The following USP10 variants were observed in gnomAD, a reference collection of about 807,000 sequenced individuals.
USP10 encodes the protein ubiquitin specific peptidase 10.
In USP10, 22 loss-of-function variants were observed where a neutral mutation model predicts 84.5. The observed-to-expected ratio is 0.26, with a 90% CI of 0.19 to 0.37. USP10 has a LOEUF of 0.37. USP10 is among the 10% of genes least tolerant of loss of function. USP10 has a pLI of 1.00. For synonymous variants in USP10, 454 were observed against 387.6 expected (o/e 1.17, Z -2.01); for missense variants, 1,019 against 998.9 (o/e 1.02, Z -0.27).
At chr16:84,764,389 G>C in intron 10 of USP10, 126 bp downstream of exon 10, 1 of 1,291,318 alleles carries the variant, frequency 7.7e-7, no homozygotes, top group Non-Finnish European at 1.1e-6. Flanking sequence ...TTGCTCCCCT[G>C]CCTGCTCTTC....
chr16:84,764,395 T>C, intron 10 of USP10, 132 bp downstream of exon 10: 1 of 1,243,564 alleles, frequency 8.0e-7, no homozygotes, highest in East Asian at 2.3e-5. Context: ...CCCTGCCTGC[T>C]CTTCTCTTGC....
chr16:84,710,954 T>TA (rs894862798), intron 1 of USP10, among the ~76,000 whole-genome samples: 1 of 152,232 alleles, frequency 6.6e-6, no homozygotes, highest in African/African-American at 2.4e-5. Flanking sequence ...GACAAAGTGT[T>TA]ACATCTCCAG....
intron 10 of USP10, among the ~76,000 whole-genome samples, chr16:84,765,733 A>G (rs1360976538): frequency 6.6e-6 from 1 of 152,218 alleles, no homozygotes; most frequent in African/African-American, 2.4e-5. Context: ...CAGGTGAGGT[A>G]GAAAGTGAAG....
chr16:84,768,293 G>T lies in USP10; in HGVS notation c.1933G>T (p.Asp645Tyr). 1 of 1,609,546 alleles carries T rather than the reference G, an allele frequency of 6.2e-7. No individual in the cohort carries two copies. Among genetic ancestry groups the T allele is most frequent in the Non-Finnish European group, 8.5e-7 (1 of 1,177,760 alleles). ...IQSDKIRTVQDALESLVARES... is the reference protein window; with the variant it reads ...IQSDKIRTVQYALESLVARES... ...GTCAGACAAGATACGCACAGTCCAGGATGCACTGGAGAGCTTGGTGGCAAG... is the reference window on the plus strand; with the variant it reads ...GTCAGACAAGATACGCACAGTCCAGTATGCACTGGAGAGCTTGGTGGCAAG... Residue 645 changes from aspartate to tyrosine, a missense_variant, in exon 11 of 14, where the codon GAT (aspartate) becomes TAT (tyrosine). By Grantham distance (160) the Asp-to-Tyr change is radical. Transcript: ENST00000219473.
intron 1 of USP10, among the ~76,000 whole-genome samples, chr16:84,727,673 G>A (rs1045820260): frequency 6.6e-6 from 1 of 152,194 alleles, no homozygotes; most frequent in Admixed American, 6.5e-5. Flanking sequence ...TACACATACA[G>A]ACACACAGAC....
At chr16:84,708,295 C>G (rs779408269) in intron 1 of USP10, among the ~76,000 whole-genome samples, 6 of 151,978 alleles carry the variant, frequency 3.9e-5, no homozygotes, top group Admixed American at 6.6e-5. Flanking sequence ...GCTAAAAATA[C>G]AAAAATTAGC....
At chr16:84,771,043 C>T (rs966890477) in intron 11 of USP10, among the ~76,000 whole-genome samples, 54 of 135,398 alleles carry the variant, frequency 4.0e-4, no homozygotes, top group African/African-American at 1.4e-3. Flanking sequence ...GATGACAGAG[C>T]GAGACTGTCT....
intron 1 of USP10, among the ~76,000 whole-genome samples, chr16:84,721,614 ACCT>A (rs1269887764): frequency 6.6e-6 from 1 of 151,616 alleles, no homozygotes; most frequent in African/African-American, 2.4e-5. Context: ...TGCAGCCTTG[ACCT>A]CCTGGGTTCA....
At chr16:84,704,782 C>T (rs1389277434) in intron 1 of USP10, 1 of 1,535,412 alleles carries the variant, frequency 6.5e-7, no homozygotes, top group Admixed American at 2.0e-5. Flanking sequence ...ACTTGAGAAC[C>T]CAGAAGCTCT....
At position 84,744,517 on chromosome 16, in the gene USP10, AT is replaced by A. The variant is rs1597351031; in HGVS notation, c.152-113del. The A allele has an allele frequency of 6.4e-6, 6 of 934,196 alleles. No homozygotes were observed. The East Asian group carries it at 1.6e-4, about 25-fold the overall frequency. 57.9% of individuals were successfully genotyped at this position (934,196 alleles called of 1,614,324 possible). On this transcript the variant is annotated intron_variant, in intron 3 of 13. Coordinates refer to ENST00000219473, the MANE Select transcript of USP10 (RefSeq NM_005153.3). Reference sequence around the variant, plus strand: ...TCAGCGTAAGTAAAGGACGTAATAGATTTGTTGATTAGGAAGAGAACTTAAG... The same window carrying A: ...TCAGCGTAAGTAAAGGACGTAATAGATTGTTGATTAGGAAGAGAACTTAAG...
chr16:84,747,616 G>A (rs1911393550), intron 4 of USP10, among the ~76,000 whole-genome samples: 1 of 123,142 alleles, frequency 8.1e-6, no homozygotes, highest in African/African-American at 3.1e-5. Context: ...AGGCTGTAGT[G>A]CAGGAGGCAC....
intron 1 of USP10, among the ~76,000 whole-genome samples, chr16:84,713,957 C>G (rs1167871073): frequency 6.6e-6 from 1 of 152,192 alleles, no homozygotes; most frequent in Non-Finnish European, 1.5e-5. Flanking sequence ...TGGGGGTTGG[C>G]TGGGAAGGTG....
Position 84,731,139 on chromosome 16 carries a change from C to G in USP10, c.22-2296C>G, listed in dbSNP as rs150302570. Among the ~76,000 whole-genome samples, 869 of 151,850 alleles carry G rather than the reference C, an allele frequency of 5.7e-3. 8 individuals carry two copies. Among genetic ancestry groups the G allele is most frequent in the African/African-American group, 0.02 (819 of 41,412 alleles). On this transcript the variant is annotated intron_variant, in intron 1 of 13. Transcript: ENST00000219473. The stretch of plus-strand genomic sequence containing the variant: ...GGACTACAGGTGCATGCCACCATGC[C>G]CGGCTAATTTTTTGTATTTTTAGTA...
chr16:84,718,575 G>A (rs1907360313), intron 1 of USP10, among the ~76,000 whole-genome samples: 1 of 152,032 alleles, frequency 6.6e-6, no homozygotes, highest in African/African-American at 2.4e-5. Flanking sequence ...GGCCAACATG[G>A]TAAAACCCTG....
In USP10 at chr16:84,779,152, TCTCTTTAGTGG is replaced by T; in HGVS notation, c.*79_*89del. On this transcript the variant is annotated 3_prime_UTR_variant, in exon 14 of 14. Transcript: ENST00000219473. The stretch of plus-strand genomic sequence containing the variant: ...CACCACCTCACACTCACTTCCCGCC[TCTCTTTAGTGG>T]CTCTTTAGAGAGAAACTCTTTCTCC... 3 of 1,526,624 alleles carry T rather than the reference TCTCTTTAGTGG, an allele frequency of 2.0e-6. No individual in the cohort carries two copies. The highest frequency in any genetic ancestry group is 1.8e-6 in the Non-Finnish European group (2 of 1,125,076). The allele number at this position is 1,526,624 out of a possible 1,614,324, so 94.6% of individuals were successfully genotyped here.
chr16:84,751,008 A>G (rs1911864448), intron 4 of USP10, among the ~76,000 whole-genome samples: 1 of 152,240 alleles, frequency 6.6e-6, no homozygotes, highest in Non-Finnish European at 1.5e-5. Context: ...GTGTTTATTT[A>G]AGTGTAAATG....
chr16:84,760,100 G>C, intron 7 of USP10, 72 bp from the exon 8 acceptor site: 1 of 1,531,272 alleles, frequency 6.5e-7, no homozygotes, highest in Non-Finnish European at 8.9e-7. Context: ...GGGGAGTTTT[G>C]ATGATGTTGC....
At chr16:84,767,032 G>A (rs1458233322) in intron 10 of USP10, among the ~76,000 whole-genome samples, 2 of 152,000 alleles carry the variant, frequency 1.3e-5, no homozygotes, top group African/African-American at 4.8e-5. Context: ...TCTCATGAGC[G>A]GTTTCCCCAC....
intron 9 of USP10, 147 bp from the exon 10 acceptor site, chr16:84,763,939 T>C: frequency 3.0e-6 from 3 of 990,722 alleles, no homozygotes; most frequent in Non-Finnish European, 4.4e-6. Context: ...CCAGTGACGT[T>C]GCTCCTGTTG....
Sources: gnomAD v4.1 joint callset for allele counts (sites outside exome capture counted in the v4.1 genomes callset) on GRCh38, gnomAD v4.1.1 for gene constraint, MANE v1.5 for transcripts, NCBI Gene and HGNC (gene_info 2026-07-23, HGNC 2026-07-21) for gene names.